The following PTPRK variants were observed in gnomAD, a reference collection of about 807,000 sequenced individuals.
PTPRK encodes the protein protein tyrosine phosphatase receptor type K, also known as receptor-type tyrosine-protein phosphatase kappa.
Under a neutral mutation model 178.0 loss-of-function variants are expected in PTPRK, and 75 were observed. The observed-to-expected ratio is 0.42, with a 90% CI of 0.35 to 0.51. PTPRK has a LOEUF of 0.51. Ranked by LOEUF, PTPRK falls within the 20% of genes least tolerant of loss-of-function variation. PTPRK has a pLI of 0.02. For missense variants in PTPRK, 1,441 were observed against 1,797.8 expected (o/e 0.80, Z 3.59); for synonymous variants, 637 against 620.6 (o/e 1.03, Z -0.39).
At chr6:127,985,024 A>C (rs557670337) in intron 22 of PTPRK, among the ~76,000 whole-genome samples, 12 of 152,184 alleles carry the variant, frequency 7.9e-5, no homozygotes, top group Non-Finnish European at 1.6e-4. Context: ...CTTGGAGGGA[A>C]GAGCGTATGA....
chr6:128,116,939 G>A (rs937187640), intron 7 of PTPRK, among the ~76,000 whole-genome samples: 2 of 152,148 alleles, frequency 1.3e-5, no homozygotes, highest in African/African-American at 4.8e-5. Context: ...GAGGTCAGGA[G>A]ATCAAGACCA....
chr6:128,086,001 T>C (rs969033992), intron 8 of PTPRK, among the ~76,000 whole-genome samples: 26 of 152,228 alleles, frequency 1.7e-4, no homozygotes, highest in African/African-American at 5.8e-4. Context: ...TCTGTACCTA[T>C]GATTTGTGTA....
In PTPRK at chr6:128,086,238, G is replaced by T. The variant is rs570523195; in HGVS notation, c.1466-2414C>A. 4.6e-5 allele frequency among the ~76,000 whole-genome samples: 7 copies of T among 152,250 alleles called. No homozygotes were observed. In the South Asian group the frequency reaches 8.3e-4, roughly 18 times the overall value. On this transcript the variant is annotated intron_variant, in intron 8 of 29. Transcript: ENST00000368226. ...TGGAAATAAAATATGGGTGGGGCAA[G>T]ATTATATTAGATAAGCATTATAGCC...
At chr6:127,983,882 C>T (rs772535309) in intron 22 of PTPRK, among the ~76,000 whole-genome samples, 3 of 151,808 alleles carry the variant, frequency 2.0e-5, no homozygotes, top group Non-Finnish European at 4.4e-5. Flanking sequence ...TGAGGAGCCA[C>T]GCTTCACAGG....
intron 13 of PTPRK, among the ~76,000 whole-genome samples, chr6:128,058,242 C>T (rs1477181089): frequency 6.6e-6 from 1 of 152,102 alleles, no homozygotes; most frequent in African/African-American, 2.4e-5. Flanking sequence ...GACAGTTTTC[C>T]AAAGTGGTTG....
intron 1 of PTPRK, among the ~76,000 whole-genome samples, chr6:128,490,477 A>G (rs540784212): frequency 2.0e-5 from 3 of 152,334 alleles, no homozygotes; most frequent in African/African-American, 7.2e-5. Context: ...AAGGGGAGGA[A>G]AGATGCCAGA....
intron 7 of PTPRK, among the ~76,000 whole-genome samples, chr6:128,127,911 G>A (rs1793638913): frequency 6.6e-6 from 1 of 152,050 alleles, no homozygotes; most frequent in African/African-American, 2.4e-5. Context: ...AGCTTACTAA[G>A]AGACTGTCCT....
At chr6:128,340,303 T>C (rs1482029386) in intron 2 of PTPRK, among the ~76,000 whole-genome samples, 1 of 152,214 alleles carries the variant, frequency 6.6e-6, no homozygotes, top group African/African-American at 2.4e-5. Flanking sequence ...AGCATAAACA[T>C]GGCAACCAGA....
chr6:128,099,574 T>C (rs1415143268), intron 7 of PTPRK, among the ~76,000 whole-genome samples: 14 of 152,060 alleles, frequency 9.2e-5, no homozygotes, highest in Admixed American at 7.9e-4. Context: ...TCATCACACA[T>C]CTGGAAGATA....
intron 6 of PTPRK, among the ~76,000 whole-genome samples, chr6:128,185,185 A>C (rs764243684): frequency 2.6e-5 from 4 of 152,156 alleles, no homozygotes; most frequent in African/African-American, 9.6e-5. Flanking sequence ...CCGAACTCAG[A>C]AAGTGATGCC....
At chr6:127,995,414 T>C (rs1455101062) in intron 18 of PTPRK, 48 bp downstream of exon 18, 5 of 1,486,450 alleles carry the variant, frequency 3.4e-6, no homozygotes, top group Middle Eastern at 1.7e-4. Context: ...AAAAGGTTCA[T>C]ATATATAAGC....
chr6:128,219,246 A>G lies in PTPRK; in HGVS notation c.694-150T>C, dbSNP rs1022735834. 7.0e-6 allele frequency: 5 copies of G among 711,972 alleles called. No individual in the cohort carries two copies. The African/African-American group carries it at 9.0e-5, about 13-fold the overall frequency. 44.1% of individuals were successfully genotyped at this position (711,972 alleles called of 1,614,324 possible). A position where few individuals can be genotyped will look rare whatever the true frequency, so the allele number is the denominator to read the frequency against. On this transcript the variant is annotated intron_variant, in intron 5 of 29. Coordinates refer to ENST00000368226, the MANE Select transcript of PTPRK (RefSeq NM_002844.4). ...TGTCAATCAGGAAAAGAATGTAAGT[A>G]AATACTGGTATCCTCGAAAGCAGTG...
At chr6:128,224,492 G>A (rs1046214264) in intron 5 of PTPRK, among the ~76,000 whole-genome samples, 2 of 152,160 alleles carry the variant, frequency 1.3e-5, no homozygotes, top group Non-Finnish European at 2.9e-5. Flanking sequence ...CAAACACCTT[G>A]CCATGTGGTC....
intron 18 of PTPRK, chr6:127,995,156 A>G: frequency 7.9e-7 from 1 of 1,269,858 alleles, no homozygotes; most frequent in Non-Finnish European, 1.1e-6. Flanking sequence ...GCATGCAGAA[A>G]TAACTAGTAG....
chr6:128,186,679 T>G (rs1270588219), intron 6 of PTPRK, among the ~76,000 whole-genome samples: 1 of 152,084 alleles, frequency 6.6e-6, no homozygotes, highest in Non-Finnish European at 1.5e-5. Context: ...TTATCAACTA[T>G]GAAAGACAGA....
chr6:128,138,191 C>A (rs1372073765), intron 7 of PTPRK, among the ~76,000 whole-genome samples: 1 of 152,056 alleles, frequency 6.6e-6, no homozygotes, highest in Non-Finnish European at 1.5e-5. Context: ...AAAAGAGATA[C>A]TGAACATGTA....
At chr6:128,465,393 A>C (rs1170843938) in intron 1 of PTPRK, among the ~76,000 whole-genome samples, 1 of 152,212 alleles carries the variant, frequency 6.6e-6, no homozygotes, top group African/African-American at 2.4e-5. Context: ...GCTCAATTTC[A>C]AACAATTTAA....
chr6:128,267,061 T>A (rs1819071684), intron 3 of PTPRK, among the ~76,000 whole-genome samples: 1 of 152,110 alleles, frequency 6.6e-6, no homozygotes, highest in Non-Finnish European at 1.5e-5. Context: ...GCTAATTCGA[T>A]ATTTAAGTTT....
intron 3 of PTPRK, among the ~76,000 whole-genome samples, chr6:128,270,170 C>G (rs1447389948): frequency 1.3e-5 from 2 of 151,892 alleles, no homozygotes; most frequent in Non-Finnish European, 2.9e-5. Context: ...GAGTTTTTGA[C>G]ATCAATAAAT....
Sources: allele counts gnomAD v4.1 joint callset (sites outside exome capture counted in the v4.1 genomes callset), GRCh38; gene constraint gnomAD v4.1.1; transcripts MANE v1.5; gene names NCBI Gene and HGNC (gene_info 2026-07-23, HGNC 2026-07-21).